Variants in ADAM22 observed in about 807,000 individuals in gnomAD.
ADAM22 encodes the protein ADAM metallopeptidase domain 22.
In ADAM22, 65 loss-of-function variants were observed where a neutral mutation model predicts 144.6. That is an observed-to-expected ratio of 0.45 (90% CI 0.37 to 0.55). ADAM22 has a LOEUF of 0.55. ADAM22 is among the 20% of genes least tolerant of loss of function. The pLI is 0.00. For missense variants in ADAM22, 974 were observed against 1,184.9 expected, an observed-to-expected ratio of 0.82 and a Z score of 2.61; for synonymous variants, 391 against 412.6, an observed-to-expected ratio of 0.95 and a Z score of 0.63.
rs946329406 is a variant in ADAM22 at position 88,201,010 on chromosome 7, T to G, written c.*4519T>G. 1 of 152,226 alleles carries G rather than the reference T, an allele frequency of 6.6e-6. No individual in the cohort carries two copies. The highest frequency in any genetic ancestry group is 1.5e-5 in the Non-Finnish European group (1 of 68,030). 9.4% of individuals were successfully genotyped at this position (152,226 alleles called of 1,614,324 possible). On this transcript the variant is annotated 3_prime_UTR_variant, in exon 32 of 32. Coordinates refer to ENST00000413139, the MANE Select transcript of ADAM22 (RefSeq NM_001324418.2). ...GCTGGGAATTGTTGGCACATGCTCA[T>G]AGCATATGCTCTGTGGGGGAGGTGC...
chr7:88,015,219 A>G (rs569126393), intron 3 of ADAM22, among the ~76,000 whole-genome samples: 3 of 152,348 alleles, frequency 2.0e-5, no homozygotes, highest in African/African-American at 7.2e-5. Context: ...GATTGAGTTG[A>G]TTTGAACCCT....
intron 3 of ADAM22, among the ~76,000 whole-genome samples, chr7:88,017,846 C>T (rs1439956612): frequency 6.7e-6 from 1 of 149,260 alleles, no homozygotes; most frequent in Non-Finnish European, 1.5e-5. Context: ...CATATATATA[C>T]ATATATATCT....
intron 1 of ADAM22, 62 bp downstream of exon 1, chr7:87,934,612 C>A: frequency 1.3e-6 from 2 of 1,485,660 alleles, no homozygotes; most frequent in East Asian, 2.4e-5. Context: ...TTGGAGCCCT[C>A]AGGCGTATTG....
intron 7 of ADAM22, among the ~76,000 whole-genome samples, chr7:88,123,592 A>T (rs992265896): frequency 6.6e-6 from 1 of 151,872 alleles, no homozygotes; most frequent in African/African-American, 2.4e-5. Context: ...CTGCTGATCA[A>T]TTTTATTGAT....
intron 3 of ADAM22, among the ~76,000 whole-genome samples, chr7:88,048,725 C>T (rs1805372050): frequency 6.6e-6 from 1 of 151,936 alleles, no homozygotes; most frequent in Non-Finnish European, 1.5e-5. Context: ...GTCGCTAAGT[C>T]TAGAAACACA....
Position 88,165,860 on chromosome 7 carries a change from G to GT in ADAM22, c.2106dup (p.Asn703Ter), listed in dbSNP as rs768857682. 6 of 1,610,852 alleles carry GT rather than the reference G, an allele frequency of 3.7e-6. No homozygotes were observed. The highest frequency in any genetic ancestry group is 5.1e-6 in the Non-Finnish European group (6 of 1,178,448). On this transcript the variant is annotated frameshift_variant, in exon 24 of 32. Transcript: ENST00000413139. LOFTEE classifies it high-confidence loss of function. ...TGCAGTAATGAGCTGAAGTGTGTGT[G>GT]TAACAGACACTGGATAGGTTCTGAT...
At chr7:88,067,416 TC>T (rs997259990) in intron 3 of ADAM22, among the ~76,000 whole-genome samples, 2 of 149,874 alleles carry the variant, frequency 1.3e-5, no homozygotes, top group Non-Finnish European at 3.0e-5. Context: ...CCCACAACAG[TC>T]CCCGAGTACC....
chr7:88,189,335 G>A (rs573193668), intron 30 of ADAM22, among the ~76,000 whole-genome samples: 4 of 152,270 alleles, frequency 2.6e-5, no homozygotes, highest in Admixed American at 6.5e-5. Flanking sequence ...CAGGGTTTTC[G>A]AGTCCACTTC....
chr7:88,189,099 G>T (rs1849001710), intron 30 of ADAM22, among the ~76,000 whole-genome samples: 1 of 152,196 alleles, frequency 6.6e-6, no homozygotes, highest in Non-Finnish European at 1.5e-5. Context: ...TGCCTAAATA[G>T]ATATCAAGTG....
At chr7:87,963,569 T>C (rs866286232) in intron 2 of ADAM22, among the ~76,000 whole-genome samples, 4 of 152,000 alleles carry the variant, frequency 2.6e-5, no homozygotes, top group African/African-American at 7.3e-5. Context: ...AGAATCCTCA[T>C]TAAACTGCAC....
chr7:88,068,901 G>A (rs1006676625), intron 3 of ADAM22, among the ~76,000 whole-genome samples: 35 of 152,142 alleles, frequency 2.3e-4, no homozygotes, highest in African/African-American at 7.2e-4. Context: ...GATCTCAGAT[G>A]TTACGCAGAG....
intron 3 of ADAM22, among the ~76,000 whole-genome samples, chr7:87,987,297 G>T (rs1368396660): frequency 6.6e-6 from 1 of 152,108 alleles, no homozygotes; most frequent in African/African-American, 2.4e-5. Context: ...TCCTGCCTCA[G>T]CCTCCCAAGT....
chr7:88,148,356 T>C (rs1283710764), intron 17 of ADAM22, among the ~76,000 whole-genome samples: 1 of 152,176 alleles, frequency 6.6e-6, no homozygotes, highest in Admixed American at 6.5e-5. Context: ...TTTAACCTAA[T>C]GAAGTTAAAC....
At chr7:88,035,709 G>A (rs2129470202) in intron 3 of ADAM22, among the ~76,000 whole-genome samples, 1 of 152,336 alleles carries the variant, frequency 6.6e-6, no homozygotes, top group South Asian at 2.1e-4. Context: ...GATGACCAGA[G>A]TAATGCATAG....
intron 6 of ADAM22, among the ~76,000 whole-genome samples, chr7:88,116,024 G>A (rs1464354820): frequency 6.6e-6 from 1 of 152,122 alleles, no homozygotes; most frequent in African/African-American, 2.4e-5. Context: ...AAACATGCAT[G>A]GCTTTGTCAC....
chr7:88,058,869 C>T (rs1356910961), intron 3 of ADAM22, among the ~76,000 whole-genome samples: 1 of 152,130 alleles, frequency 6.6e-6, no homozygotes, highest in East Asian at 1.9e-4. Context: ...TTGAATTTTC[C>T]TAAGGAGCAG....
At chr7:88,092,339 A>T (rs1820114016) in intron 4 of ADAM22, among the ~76,000 whole-genome samples, 1 of 152,198 alleles carries the variant, frequency 6.6e-6, no homozygotes. Flanking sequence ...GCAGGAAGAG[A>T]GTAAAAGAGC....
intron 2 of ADAM22, among the ~76,000 whole-genome samples, chr7:87,944,679 A>C (rs757636160): frequency 5.3e-5 from 8 of 152,178 alleles, no homozygotes; most frequent in Admixed American, 1.3e-4. Flanking sequence ...GCAAATGATC[A>C]AGAGAAGATA....
Position 88,163,197 on chromosome 7 carries a change from T to C in ADAM22, c.2076+17T>C. ...GGAAATGGAGTAAGTATCCAGTACCTTGTCAGAATCTATTTCTTTTATATC... is the reference window on the plus strand; with the variant it reads ...GGAAATGGAGTAAGTATCCAGTACCCTGTCAGAATCTATTTCTTTTATATC... On this transcript the variant is annotated intron_variant, in intron 23 of 31. Transcript: ENST00000413139. The C allele has an allele frequency of 6.4e-7, 1 of 1,556,588 alleles. No homozygotes were observed.
Sources: allele counts gnomAD v4.1 joint callset (sites outside exome capture counted in the v4.1 genomes callset), GRCh38; gene constraint gnomAD v4.1.1; transcripts MANE v1.5; gene names NCBI Gene and HGNC (gene_info 2026-07-23, HGNC 2026-07-21).